MCC: variants seen among roughly 807,000 people sequenced by gnomAD.
The protein encoded by MCC is MCC regulator of Wnt signaling pathway.
MCC carries 90 observed loss-of-function variants against 116.2 expected under a neutral mutation model. The observed-to-expected ratio is 0.77, with a 90% CI of 0.65 to 0.92. The LOEUF (loss-of-function observed/expected upper bound fraction) is 0.92. MCC is among the 40% of genes least tolerant of loss of function. MCC has a pLI of 0.00. For synonymous variants in MCC, 578 were observed against 510.5 expected, an observed-to-expected ratio of 1.13 and a Z score of -1.78; for missense variants, 1,516 against 1,312.2, an observed-to-expected ratio of 1.16 and a Z score of -2.40.
intron 8 of MCC, among the ~76,000 whole-genome samples, chr5:113,087,558 A>T: frequency 6.6e-6 from 1 of 152,124 alleles, no homozygotes; most frequent in East Asian, 1.9e-4. Flanking sequence ...GGGCTCATTC[A>T]TTTCCTCAGG....
chr5:113,372,758 C>G (rs2150389350), intron 2 of MCC, among the ~76,000 whole-genome samples: 1 of 152,274 alleles, frequency 6.6e-6, no homozygotes, highest in South Asian at 2.1e-4. Flanking sequence ...GTGGTGCAAT[C>G]ACAGCTCACT....
intron 3 of MCC, among the ~76,000 whole-genome samples, chr5:113,179,122 T>G (rs1356212079): frequency 1.3e-5 from 2 of 152,208 alleles, no homozygotes; most frequent in Non-Finnish European, 1.5e-5. Flanking sequence ...GAACACAGGC[T>G]GTGCTTTCAG....
intron 11 of MCC, among the ~76,000 whole-genome samples, chr5:113,074,327 T>G (rs6869383): frequency 0.34 from 51,602 of 152,030 alleles, 8,774 homozygotes; most frequent in Middle Eastern, 0.39. Context: ...TCCTGACTAT[T>G]AGAAGGAAAA....
intron 3 of MCC, among the ~76,000 whole-genome samples, chr5:113,192,366 C>T (rs10067575): frequency 0.97 from 148,177 of 152,376 alleles, 72,177 homozygotes; most frequent in East Asian, 1. Context: ...AAACACAAGG[C>T]ACTGTTCTTT....
At chr5:113,483,280 A>G (rs973423058) in intron 1 of MCC, among the ~76,000 whole-genome samples, 19 of 152,280 alleles carry the variant, frequency 1.2e-4, no homozygotes, top group Non-Finnish European at 2.1e-4. Flanking sequence ...GAATTTTAAG[A>G]TCAGTTCATC....
In MCC at chr5:113,442,682, G is replaced by A. The variant is rs546071880; in HGVS notation, c.170+45563C>T. Among the ~76,000 whole-genome samples the A allele has an allele frequency of 1.9e-3, 290 of 152,310 alleles. 1 individual carries two copies. Among genetic ancestry groups the A allele is most frequent in the Middle Eastern group, 3.4e-3 (1 of 294 alleles). ...TCTTGAGTTAATTTTTGCATAAGGT[G>A]TAAGGAAGGGATCCAGTTTCAGTTT... On this transcript the variant is annotated intron_variant, in intron 1 of 18. Transcript: ENST00000408903.
intron 1 of MCC, among the ~76,000 whole-genome samples, chr5:113,472,954 T>A (rs1772134087): frequency 1.3e-5 from 2 of 152,204 alleles, no homozygotes; most frequent in Non-Finnish European, 2.9e-5. Context: ...TGCTTTAGCA[T>A]CTAATCAACG....
chr5:113,448,276 C>G (rs1771279061), intron 1 of MCC: 1 of 152,164 alleles, frequency 6.6e-6, no homozygotes, highest in South Asian at 2.1e-4. Context: ...CTTCTCCTTT[C>G]TGGTGCATAA....
intron 3 of MCC, among the ~76,000 whole-genome samples, chr5:113,265,084 A>C (rs954669764): frequency 1.3e-5 from 2 of 152,174 alleles, no homozygotes; most frequent in African/African-American, 4.8e-5. Flanking sequence ...TTTTGTTTAC[A>C]TATTGTCTGT....
chr5:113,286,066 T>C (rs937319632), intron 3 of MCC, among the ~76,000 whole-genome samples: 23 of 152,336 alleles, frequency 1.5e-4, no homozygotes, highest in African/African-American at 4.1e-4. Flanking sequence ...CTACCACATA[T>C]TGACTAGGTG....
chr5:113,192,318 TC>T (rs1762186891), intron 3 of MCC, among the ~76,000 whole-genome samples: 1 of 152,194 alleles, frequency 6.6e-6, no homozygotes, highest in African/African-American at 2.4e-5. Flanking sequence ...AAAAGAACAT[TC>T]TCTGGACAAC....
intron 17 of MCC, among the ~76,000 whole-genome samples, chr5:113,037,489 T>A (rs534240974): frequency 6.6e-6 from 1 of 152,208 alleles, no homozygotes; most frequent in East Asian, 1.9e-4. Context: ...GCCTAGGAAT[T>A]TGAGATCAGC....
At chr5:113,247,118 T>G (rs1764611395) in intron 3 of MCC, among the ~76,000 whole-genome samples, 1 of 152,236 alleles carries the variant, frequency 6.6e-6, no homozygotes, top group Non-Finnish European at 1.5e-5. Flanking sequence ...ACATGACCCC[T>G]GCCCTGGAGT....
chr5:113,131,885 A>G (rs1758453957), intron 5 of MCC, among the ~76,000 whole-genome samples: 3 of 152,202 alleles, frequency 2.0e-5, no homozygotes, highest in Admixed American at 1.3e-4. Context: ...AGTGCCAGAC[A>G]ACAGCTATCA....
chr5:113,217,564 C>T (rs963574417), intron 3 of MCC, among the ~76,000 whole-genome samples: 1 of 152,120 alleles, frequency 6.6e-6, no homozygotes, highest in African/African-American at 2.4e-5. Flanking sequence ...GGGAGTAATA[C>T]CAACACATTT....
intron 2 of MCC, among the ~76,000 whole-genome samples, chr5:113,360,763 A>G (rs1231316608): frequency 6.6e-6 from 1 of 152,232 alleles, no homozygotes; most frequent in East Asian, 1.9e-4. Context: ...CAGCATCTAT[A>G]GCAGTCTCCT....
chr5:113,186,327 T>C (rs572848228), intron 3 of MCC, among the ~76,000 whole-genome samples: 3 of 152,178 alleles, frequency 2.0e-5, no homozygotes, highest in African/African-American at 7.2e-5. Flanking sequence ...TTTGTTTGAT[T>C]TGCAGTCTCC....
chr5:113,328,111 G>T (rs551104222), intron 3 of MCC, among the ~76,000 whole-genome samples: 1 of 152,020 alleles, frequency 6.6e-6, no homozygotes, highest in Non-Finnish European at 1.5e-5. Context: ...TTATAAATAC[G>T]ACTTACCTCT....
intron 3 of MCC, among the ~76,000 whole-genome samples, chr5:113,209,932 C>T (rs2150323085): frequency 6.6e-6 from 1 of 152,310 alleles, no homozygotes; most frequent in Middle Eastern, 3.4e-3. Flanking sequence ...AGTGCTATTT[C>T]ATTTTTGCTT....
Sources: allele counts gnomAD v4.1 joint callset (sites outside exome capture counted in the v4.1 genomes callset), GRCh38; gene constraint gnomAD v4.1.1; transcripts MANE v1.5; gene names NCBI Gene and HGNC (gene_info 2026-07-23, HGNC 2026-07-21).